The following ANKRD31 variants were observed in gnomAD, a reference collection of about 807,000 sequenced individuals.
ANKRD31 encodes the protein ankyrin repeat domain-containing protein 31.
A neutral mutation model predicts 186.0 loss-of-function variants in ANKRD31; 147 were observed. The ratio of observed to expected loss-of-function variants is 0.79; its 90% CI spans 0.69 to 0.91. The LOEUF is 0.91. ANKRD31 is among the 40% of genes least tolerant of loss of function. ANKRD31 has a pLI of 0.00. For synonymous variants in ANKRD31, 673 were observed against 736.4 expected, an observed-to-expected ratio of 0.91 and a Z score of 1.39; for missense variants, 1,986 against 2,148.8, an observed-to-expected ratio of 0.92 and a Z score of 1.50.
intron 17 of ANKRD31, among the ~76,000 whole-genome samples, chr5:75,123,099 T>C (rs1040744492): frequency 6.6e-6 from 1 of 152,132 alleles, no homozygotes; most frequent in Non-Finnish European, 1.5e-5. Context: ...AGCAGTAAGA[T>C]TTCAGAATAC....
At chr5:75,121,182 A>T (rs79688248) in intron 17 of ANKRD31, among the ~76,000 whole-genome samples, 133 of 146,834 alleles carry the variant, frequency 9.1e-4, no homozygotes, top group Non-Finnish European at 1.1e-3. Flanking sequence ...ACTCTATATA[A>T]AAAAAAAAAA....
chr5:75,086,860 T>C (rs1745526644), intron 23 of ANKRD31, among the ~76,000 whole-genome samples: 1 of 152,004 alleles, frequency 6.6e-6, no homozygotes, highest in South Asian at 2.1e-4. Flanking sequence ...GAGTGTAGAA[T>C]GTGTGTGTGT....
At position 75,104,777 on chromosome 5, in the gene ANKRD31, T is replaced by C. The variant is rs768330836; in HGVS notation, c.4782A>G (p.Ser1594=). The C allele has an allele frequency of 2.0e-6, 3 of 1,537,260 alleles. No homozygotes were observed. The highest frequency in any genetic ancestry group is 2.4e-5 in the South Asian group (2 of 84,064). ...GTAATTTATTCTTCTCTGTGCCATC[T>C]GAATGTCTGGATTTTGGAAAACCAT... is the stretch of plus-strand genomic sequence containing the variant. ...TLDGFPKSRH[S]DGTEKNKLPS... The change falls in exon 22 of 26, where the codon TCA becomes TCG. Residue 1594 remains serine (S), a synonymous_variant. Coordinates refer to ENST00000506364, the MANE Select transcript of ANKRD31 (RefSeq NM_001372053.1).
rs554358540 is a variant in ANKRD31, at chr5:75,189,232, C to T, written c.1409-584G>A. 6.8e-4 allele frequency among the ~76,000 whole-genome samples: 103 copies of T among 152,234 alleles called. 1 individual carries two copies. Among genetic ancestry groups the T allele is most frequent in the African/African-American group, 2.1e-3 (86 of 41,554 alleles). Reference sequence around the variant, plus strand: ...TTTTATTTACTAAGCCAGAAATGCACGATTAAAATACTTTTCCAGATAATG... The same window carrying T: ...TTTTATTTACTAAGCCAGAAATGCATGATTAAAATACTTTTCCAGATAATG... On this transcript the variant is annotated intron_variant, in intron 9 of 25. Coordinates refer to ENST00000506364, the MANE Select transcript of ANKRD31 (RefSeq NM_001372053.1).
chr5:75,175,808 G>C (rs557539632), intron 10 of ANKRD31, among the ~76,000 whole-genome samples: 1 of 152,210 alleles, frequency 6.6e-6, no homozygotes, highest in South Asian at 2.1e-4. Flanking sequence ...CAGCGTGAGC[G>C]ATGCAGAAGA....
rs576725228 is a variant in ANKRD31 at position 75,162,272 on chromosome 5, T to G, written c.1707+6707A>C. Among the ~76,000 whole-genome samples, 9 of 152,314 alleles carry G rather than the reference T, an allele frequency of 5.9e-5. No individual in the cohort carries two copies. The South Asian group carries it at 1.9e-3, about 32-fold the overall frequency. On this transcript the variant is annotated intron_variant, in intron 11 of 25. Coordinates refer to ENST00000506364, the MANE Select transcript of ANKRD31 (RefSeq NM_001372053.1). ...ACCTCTAGTATCAGCATGACCTGGA[T>G]ATGAGACATGGAGTCAAAGGAGATC...
At chr5:75,154,407 C>T in intron 11 of ANKRD31, 62 bp from the exon 12 acceptor site, 1 of 1,354,770 alleles carries the variant, frequency 7.4e-7, no homozygotes, top group South Asian at 1.7e-5. Context: ...TGAATGTGTG[C>T]TAGCAGACTA....
intron 25 of ANKRD31, among the ~76,000 whole-genome samples, chr5:75,078,022 A>C: frequency 6.6e-6 from 1 of 152,072 alleles, no homozygotes; most frequent in East Asian, 1.9e-4. Flanking sequence ...CATGGCAGAC[A>C]ATCAACAAAT....
chr5:75,160,347 A>C (rs1752490873), intron 11 of ANKRD31, among the ~76,000 whole-genome samples: 1 of 152,184 alleles, frequency 6.6e-6, no homozygotes, highest in African/African-American at 2.4e-5. Flanking sequence ...TATACTAAAA[A>C]AATCATTAAA....
At chr5:75,136,650 C>A in intron 17 of ANKRD31, among the ~76,000 whole-genome samples, 1 of 152,148 alleles carries the variant, frequency 6.6e-6, no homozygotes, top group Non-Finnish European at 1.5e-5. Context: ...TTGACCTAGC[C>A]ATCCCATTAC....
chr5:75,209,481 A>G (rs1038795562), intron 4 of ANKRD31, among the ~76,000 whole-genome samples: 9 of 152,202 alleles, frequency 5.9e-5, no homozygotes, highest in Admixed American at 5.9e-4. Flanking sequence ...GTTCAAGACC[A>G]GCATGGCCAA....
intron 25 of ANKRD31, among the ~76,000 whole-genome samples, chr5:75,071,654 C>T (rs1386959776): frequency 6.6e-6 from 1 of 152,002 alleles, no homozygotes; most frequent in Non-Finnish European, 1.5e-5. Context: ...CACCACCACG[C>T]CCGGCTAATT....
Position 75,105,026 on chromosome 5 carries a change from A to ATCTGGGTGGGATCTGGGTGGG in ANKRD31, c.4532_4533insCCCACCCAGATCCCACCCAGA (p.Ser1511_Glu1512insProProArgSerHisProAsp). The stretch of plus-strand genomic sequence containing the variant: ...TAGTGAGCTCTTGGCTGTCTTTTTC[A>ATCTGGGTGGGATCTGGGTGGG]CTAGAGATTTCTGATCTGGGTGGGA... On this transcript the variant is annotated inframe_insertion, in exon 22 of 26. Transcript: ENST00000506364. 6.5e-7 allele frequency: 1 copy of ATCTGGGTGGGATCTGGGTGGG among 1,536,474 alleles called. No homozygotes were observed. The highest frequency in any genetic ancestry group is 2.0e-5 in the Admixed American group (1 of 50,904).
chr5:75,111,212 A>C (rs1426600315), intron 20 of ANKRD31, among the ~76,000 whole-genome samples: 1 of 151,988 alleles, frequency 6.6e-6, no homozygotes, highest in Non-Finnish European at 1.5e-5. Flanking sequence ...CAAAAAAAAA[A>C]ATGTGGGGAG....
chr5:75,235,553 C>T (rs1386665164), intron 1 of ANKRD31, among the ~76,000 whole-genome samples: 1 of 151,912 alleles, frequency 6.6e-6, no homozygotes, highest in Non-Finnish European at 1.5e-5. Flanking sequence ...CTATTTTTAT[C>T]CAGAAGACCA....
At chr5:75,090,345 T>C (rs1349863558) in intron 23 of ANKRD31, among the ~76,000 whole-genome samples, 3 of 152,182 alleles carry the variant, frequency 2.0e-5, no homozygotes, top group Admixed American at 6.5e-5. Context: ...GAAACAGTGC[T>C]AGATACACTT....
At chr5:75,081,604 T>C (rs778048272) in intron 24 of ANKRD31, among the ~76,000 whole-genome samples, 11 of 152,102 alleles carry the variant, frequency 7.2e-5, no homozygotes, top group Non-Finnish European at 1.6e-4. Context: ...GCTTCAACTC[T>C]TAGGTTAGAA....
chr5:75,195,997 A>G lies in ANKRD31; in HGVS notation c.651T>C (p.Leu217=). The change falls in exon 7 of 26, where the codon CTT becomes CTC. Residue 217 remains leucine, a synonymous_variant. Coordinates refer to ENST00000506364, the MANE Select transcript of ANKRD31 (RefSeq NM_001372053.1). The stretch of plus-strand genomic sequence containing the variant: ...TTTCTAAGGCAGACACAAAGGTTTC[A>G]AGAGAGCTTTCTTCATCCTTAGTTT... ...SEETKDEESS[L]ETFVSALESL... 1.3e-6 allele frequency: 2 copies of G among 1,532,320 alleles called. No individual in the cohort carries two copies. Among genetic ancestry groups the G allele is most frequent in the Non-Finnish European group, 1.7e-6 (2 of 1,145,094 alleles). 94.9% of individuals were successfully genotyped at this position (1,532,320 alleles called of 1,614,324 possible). A position where few individuals can be genotyped will look rare whatever the true frequency, so the allele number is the denominator to read the frequency against.
intron 9 of ANKRD31, among the ~76,000 whole-genome samples, chr5:75,192,107 A>G (rs1431857237): frequency 6.6e-6 from 1 of 152,160 alleles, no homozygotes; most frequent in Admixed American, 6.6e-5. Context: ...TCTAAGGACA[A>G]AGATGTACGC....
Sources: allele counts gnomAD v4.1 joint callset (sites outside exome capture counted in the v4.1 genomes callset), GRCh38; gene constraint gnomAD v4.1.1; transcripts MANE v1.5; gene names NCBI Gene and HGNC (gene_info 2026-07-23, HGNC 2026-07-21).